EPHB1: variants seen among roughly 807,000 people sequenced by gnomAD.
EPHB1 encodes the protein EPH receptor B1.
A neutral mutation model predicts 94.4 loss-of-function variants in EPHB1; 30 were observed. The ratio of observed to expected loss-of-function variants is 0.32; its 90% CI spans 0.24 to 0.43. The LOEUF (loss-of-function observed/expected upper bound fraction) is 0.43, where lower values mean the gene tolerates loss of function less well. Ranked by LOEUF, EPHB1 falls within the 20% of genes least tolerant of loss-of-function variation. The pLI is 1.00. For missense variants in EPHB1, 1,055 were observed against 1,308.3 expected (o/e 0.81, Z 2.99); for synonymous variants, 522 against 489.1 (o/e 1.07, Z -0.89).
At chr3:134,976,171 G>A (rs770338991) in intron 3 of EPHB1, among the ~76,000 whole-genome samples, 3 of 152,164 alleles carry the variant, frequency 2.0e-5, no homozygotes, top group Non-Finnish European at 4.4e-5. Context: ...CCATTAACTG[G>A]GACTGCCGTT....
At chr3:134,852,679 GTGTGTGTCTGTGCA>G (rs1335257793) in intron 1 of EPHB1, 3 of 151,838 alleles carry the variant, frequency 2.0e-5, no homozygotes, top group South Asian at 4.2e-4. Context: ...GTGTGTGTGT[GTGTGTGTCTGTGCA>G]TGTGTGTGTG....
At chr3:135,019,132 A>G (rs1576320923) in intron 3 of EPHB1, among the ~76,000 whole-genome samples, 1 of 151,870 alleles carries the variant, frequency 6.6e-6, no homozygotes, top group South Asian at 2.1e-4. Context: ...CACACCCCAT[A>G]CCTCAGACCC....
rs1218971236 is a variant in EPHB1 at position 135,092,568 on chromosome 3, G to T, written c.806-13880G>T. Among the ~76,000 whole-genome samples the T allele has an allele frequency of 2.0e-5, 3 of 152,060 alleles. No individual in the cohort carries two copies. In the East Asian group the frequency reaches 5.8e-4, roughly 29 times the overall value. On this transcript the variant is annotated intron_variant, in intron 3 of 15. Transcript: ENST00000398015. ...TAGCTGTGACATCACATCTTCTCAA[G>T]GAGGGCACAGCCCTGACTCTGGAGT... is the stretch of plus-strand genomic sequence containing the variant.
At chr3:135,038,619 C>A (rs1302058366) in intron 3 of EPHB1, among the ~76,000 whole-genome samples, 1 of 152,200 alleles carries the variant, frequency 6.6e-6, no homozygotes, top group Non-Finnish European at 1.5e-5. Flanking sequence ...GTGAGTGTTA[C>A]AGCTCTTAAG....
chr3:134,815,429 A>C (rs1232097577), intron 1 of EPHB1, among the ~76,000 whole-genome samples: 2 of 151,988 alleles, frequency 1.3e-5, no homozygotes, highest in African/African-American at 4.8e-5. Context: ...ATATCATATT[A>C]TGATATATCC....
intron 1 of EPHB1, among the ~76,000 whole-genome samples, chr3:134,875,479 G>A (rs944171739): frequency 6.6e-6 from 1 of 152,102 alleles, no homozygotes; most frequent in Non-Finnish European, 1.5e-5. Context: ...AGTGAGGAGC[G>A]GTTGATGGCC....
chr3:135,234,954 C>T (rs1393502719), intron 12 of EPHB1, among the ~76,000 whole-genome samples: 1 of 152,214 alleles, frequency 6.6e-6, no homozygotes, highest in East Asian at 1.9e-4. Context: ...ATGCAAACAG[C>T]TGCCTACTTC....
intron 1 of EPHB1, among the ~76,000 whole-genome samples, chr3:134,826,343 A>T (rs940573761): frequency 2.6e-5 from 4 of 151,698 alleles, no homozygotes; most frequent in Admixed American, 2.6e-4. Flanking sequence ...TATCTGCTTG[A>T]TATCTAGCCT....
chr3:134,909,645 C>A (rs2038411308), intron 1 of EPHB1, among the ~76,000 whole-genome samples: 2 of 152,184 alleles, frequency 1.3e-5, no homozygotes, highest in African/African-American at 4.8e-5. Flanking sequence ...GGTCTTTTCT[C>A]AGTTCAGAAG....
intron 1 of EPHB1, among the ~76,000 whole-genome samples, chr3:134,831,842 A>G (rs146167669): frequency 9.7e-4 from 148 of 152,282 alleles, no homozygotes; most frequent in Middle Eastern, 6.8e-3. Context: ...CCTTGGTTCA[A>G]CCCTATTGAG....
chr3:135,252,176 G>C (rs972034068), intron 15 of EPHB1, among the ~76,000 whole-genome samples: 2 of 150,608 alleles, frequency 1.3e-5, no homozygotes, highest in Non-Finnish European at 3.0e-5. Context: ...TCTGTCCATA[G>C]CTTAATTTTA....
chr3:134,812,292 C>T (rs2036193717), intron 1 of EPHB1, among the ~76,000 whole-genome samples: 2 of 152,202 alleles, frequency 1.3e-5, no homozygotes, highest in Non-Finnish European at 2.9e-5. Context: ...TCACTGCTGA[C>T]CCTTGGCAAC....
At chr3:135,081,452 C>T (rs1043838030) in intron 3 of EPHB1, among the ~76,000 whole-genome samples, 1 of 152,118 alleles carries the variant, frequency 6.6e-6, no homozygotes, top group Admixed American at 6.5e-5. Context: ...TTAGGTTGGC[C>T]ACTAATTATT....
rs1055399438 is a variant in EPHB1, at chr3:134,836,848, T to A, written c.58+41159T>A. ...GGAAAAGAAATAGGAGCTCCCCTGCTTTTTTAATTCCCTAGTGATTAATCT... is the reference window on the plus strand; with the variant it reads ...GGAAAAGAAATAGGAGCTCCCCTGCATTTTTAATTCCCTAGTGATTAATCT... On this transcript the variant is annotated intron_variant, in intron 1 of 15. Transcript: ENST00000398015. 4.6e-5 allele frequency among the ~76,000 whole-genome samples: 7 copies of A among 152,356 alleles called. No homozygotes were observed. In the East Asian group the frequency reaches 1.3e-3, roughly 29 times the overall value.
At position 134,795,391 on chromosome 3, in the gene EPHB1, C is replaced by T. The variant is rs538028477; in HGVS notation, c.-241C>T. 3.8e-6 allele frequency: 2 copies of T among 533,300 alleles called. No individual in the cohort carries two copies. Among genetic ancestry groups the T allele is most frequent in the Admixed American group, 4.0e-5 (1 of 25,188 alleles). The allele number at this position is 533,300 out of a possible 1,614,324, so 33.0% of individuals were successfully genotyped here. A position where few individuals can be genotyped will look rare whatever the true frequency, so the allele number is the denominator to read the frequency against. On this transcript the variant is annotated 5_prime_UTR_variant, in exon 1 of 16. Coordinates refer to ENST00000398015, the MANE Select transcript of EPHB1 (RefSeq NM_004441.5). ...TCTCTCTCACACACGCACGCACACACCCACCTCTCCCATAAACACACACAC... is the reference window on the plus strand; with the variant it reads ...TCTCTCTCACACACGCACGCACACATCCACCTCTCCCATAAACACACACAC...
intron 1 of EPHB1, among the ~76,000 whole-genome samples, chr3:134,797,655 A>G (rs2035856081): frequency 6.6e-6 from 1 of 152,192 alleles, no homozygotes. Flanking sequence ...TTGGCTAGCC[A>G]GAGGTCCCTG....
intron 1 of EPHB1, among the ~76,000 whole-genome samples, chr3:134,882,814 C>CTTTCTTTTCT (rs1553861955): frequency 1.1e-5 from 1 of 93,136 alleles, no homozygotes; most frequent in African/African-American, 4.1e-5. Context: ...TTCTTTCTTT[C>CTTTCTTTTCT]TTTCTTTCTT....
chr3:134,904,107 G>C (rs2038263360), intron 1 of EPHB1, among the ~76,000 whole-genome samples: 1 of 152,136 alleles, frequency 6.6e-6, no homozygotes, highest in Admixed American at 6.5e-5. Context: ...GGATCCCCCA[G>C]CCCTGGAAAG....
chr3:134,978,629 CCTTA>C (rs1254177856), intron 3 of EPHB1, among the ~76,000 whole-genome samples: 1 of 152,210 alleles, frequency 6.6e-6, no homozygotes, highest in Non-Finnish European at 1.5e-5. Flanking sequence ...AACAGTTCAG[CCTTA>C]CTAAGCCTTC....
Sources: allele counts gnomAD v4.1 joint callset (sites outside exome capture counted in the v4.1 genomes callset), GRCh38; gene constraint gnomAD v4.1.1; transcripts MANE v1.5; gene names NCBI Gene and HGNC (gene_info 2026-07-23, HGNC 2026-07-21).